ADCY9: variants seen among roughly 807,000 people sequenced by gnomAD.
ADCY9 encodes adenylate cyclase type 9.
Under a neutral mutation model 101.5 loss-of-function variants are expected in ADCY9, and 50 were observed. The observed-to-expected ratio is 0.49, with a 90% CI of 0.39 to 0.62. The LOEUF (loss-of-function observed/expected upper bound fraction) is 0.62, where lower values mean the gene tolerates loss of function less well. Among genes scored for constraint, ADCY9 ranks in the 20% least tolerant of loss-of-function variants. The probability of loss-of-function intolerance (pLI) is 0.00; values close to 1 mark genes in which losing one functional copy is unlikely to be tolerated. For missense variants in ADCY9, 1,662 were observed against 1,800.4 expected, an observed-to-expected ratio of 0.92 and a Z score of 1.39; for synonymous variants, 905 against 769.3, an observed-to-expected ratio of 1.18 and a Z score of -2.92.
chr16:4,060,069 G>T (rs2056765115), intron 2 of ADCY9, among the ~76,000 whole-genome samples: 3 of 152,160 alleles, frequency 2.0e-5, no homozygotes, highest in Admixed American at 2.0e-4. Context: ...ACTGCTGGAG[G>T]GGTTGACTTG....
At chr16:4,087,761 T>C (rs1434284612) in intron 2 of ADCY9, among the ~76,000 whole-genome samples, 1 of 151,876 alleles carries the variant, frequency 6.6e-6, no homozygotes, top group East Asian at 1.9e-4. Flanking sequence ...ATCCTGTTAC[T>C]ATTTGCTCGG....
chr16:3,953,983 A>T (rs1316788786), intron 5 of ADCY9, among the ~76,000 whole-genome samples: 1 of 152,206 alleles, frequency 6.6e-6, no homozygotes, highest in Admixed American at 6.5e-5. Context: ...TAACTGGATC[A>T]TCTCACGGAT....
intron 3 of ADCY9, among the ~76,000 whole-genome samples, chr16:3,995,111 A>T (rs1450844786): frequency 1.3e-5 from 2 of 152,202 alleles, no homozygotes; most frequent in African/African-American, 2.4e-5. Flanking sequence ...CCTCATCTAT[A>T]AACAAAGAGT....
Position 4,025,726 on chromosome 16 carries a change from G to C in ADCY9, c.1694-18168C>G, listed in dbSNP as rs541811101. Among the ~76,000 whole-genome samples, 12 of 152,324 alleles carry C rather than the reference G, an allele frequency of 7.9e-5. No homozygotes were observed. In the South Asian group the frequency reaches 1.9e-3, roughly 24 times the overall value. Reference sequence around the variant, plus strand: ...AGAGAAGGCAGAACCCGCAGCTCCAGAAGGTTTGGGGCATGACCAGCAGAG... The same window carrying C: ...AGAGAAGGCAGAACCCGCAGCTCCACAAGGTTTGGGGCATGACCAGCAGAG... On this transcript the variant is annotated intron_variant, in intron 2 of 10. Coordinates refer to ENST00000294016, the MANE Select transcript of ADCY9 (RefSeq NM_001116.4).
At chr16:4,101,023 T>C (rs1210634749) in intron 2 of ADCY9, among the ~76,000 whole-genome samples, 2 of 152,230 alleles carry the variant, frequency 1.3e-5, no homozygotes, top group African/African-American at 2.4e-5. Context: ...ACAGGTATTA[T>C]GTGCCAAGAA....
rs189441642 is a variant in ADCY9, at chr16:3,980,716, T to C, written c.2520-1441A>G. 2.0e-5 allele frequency among the ~76,000 whole-genome samples: 3 copies of C among 152,260 alleles called. No homozygotes were observed. In the East Asian group the frequency reaches 5.8e-4, roughly 29 times the overall value. ...CCTGGACAGCCCTGGCTTCCTGATA[T>C]TTAAAGGATAATGAAGACTTTGGAA... On this transcript the variant is annotated intron_variant, in intron 7 of 10. Transcript: ENST00000294016.
chr16:4,043,821 C>T (rs1187771926), intron 2 of ADCY9, among the ~76,000 whole-genome samples: 1 of 152,104 alleles, frequency 6.6e-6, no homozygotes, highest in Non-Finnish European at 1.5e-5. Context: ...TTTGGTAAAA[C>T]AGTCTGCCAA....
chr16:4,000,298 A>T (rs2056320611), intron 3 of ADCY9, among the ~76,000 whole-genome samples: 2 of 152,216 alleles, frequency 1.3e-5, no homozygotes, highest in African/African-American at 4.8e-5. Flanking sequence ...ACTGGCCCAG[A>T]GCCACACGGT....
intron 2 of ADCY9, among the ~76,000 whole-genome samples, chr16:4,089,700 G>A (rs1217650874): frequency 1.3e-5 from 2 of 152,006 alleles, no homozygotes; most frequent in South Asian, 2.1e-4. Context: ...CAGCCGTAAA[G>A]GGGAAAGTCT....
intron 2 of ADCY9, among the ~76,000 whole-genome samples, chr16:4,026,916 G>A (rs1175069468): frequency 6.6e-6 from 1 of 152,188 alleles, no homozygotes; most frequent in Non-Finnish European, 1.5e-5. Flanking sequence ...GTAACAAAAG[G>A]ATCAGAGGCT....
chr16:4,070,465 G>A (rs1271495897), intron 2 of ADCY9, among the ~76,000 whole-genome samples: 1 of 152,034 alleles, frequency 6.6e-6, no homozygotes, highest in Non-Finnish European at 1.5e-5. Flanking sequence ...CAAAACTTTT[G>A]AAAAATAACC....
chr16:4,111,376 C>A (rs1365260208), intron 2 of ADCY9, among the ~76,000 whole-genome samples: 1 of 152,078 alleles, frequency 6.6e-6, no homozygotes, highest in African/African-American at 2.4e-5. Context: ...CTTCTCTTCC[C>A]GGGTTCAAAC....
At chr16:3,986,236 G>C (rs762976614) in intron 6 of ADCY9, among the ~76,000 whole-genome samples, 3 of 152,176 alleles carry the variant, frequency 2.0e-5, no homozygotes, top group East Asian at 1.9e-4. Context: ...TGGGATGCTC[G>C]GCTAAGAACG....
chr16:4,068,832 C>T (rs773631617), intron 2 of ADCY9, among the ~76,000 whole-genome samples: 200 of 143,662 alleles, frequency 1.4e-3, no homozygotes, highest in Admixed American at 2.7e-3. Context: ...AAAAAAAAAA[C>T]AATTCACGGT....
intron 2 of ADCY9, among the ~76,000 whole-genome samples, chr16:4,057,544 C>G (rs1036458600): frequency 1.3e-5 from 2 of 152,180 alleles, no homozygotes; most frequent in African/African-American, 4.8e-5. Flanking sequence ...CCTCTCTTTT[C>G]ACGCACTATC....
At chr16:3,957,872 C>T (rs1461825156), downstream of ADCY9, among the ~76,000 whole-genome samples, 4 of 152,176 alleles carry the variant, frequency 2.6e-5, no homozygotes, top group Non-Finnish European at 4.4e-5. Flanking sequence ...TTTGCGTTAT[C>T]CCAGGATCAC....
rs774352938 is a variant in ADCY9 at position 3,989,105 on chromosome 16, C to G, written c.2208-9G>C. 3 of 1,596,598 alleles carry G rather than the reference C, an allele frequency of 1.9e-6. No homozygotes were observed. In the East Asian group the frequency reaches 6.7e-5, roughly 36 times the overall value. ...AGTAATCTTTCATCAGGCTAGAAGA[C>G]ACAACAAATGCAGTCGATCAATACC... On this transcript the variant is annotated splice_polypyrimidine_tract_variant and intron_variant, in intron 5 of 10. Transcript: ENST00000294016.
rs1424782018 is a variant in ADCY9, at chr16:3,978,997, G to A, written c.2679+119C>T. On this transcript the variant is annotated intron_variant, in intron 8 of 10. Transcript: ENST00000294016. ...CCCACAGTGCTGGGATTACAGGCGTGAGCCACCATGCCTGGCCAAAGGGTT... is the reference window on the plus strand; with the variant it reads ...CCCACAGTGCTGGGATTACAGGCGTAAGCCACCATGCCTGGCCAAAGGGTT... The A allele has an allele frequency of 2.3e-6, 3 of 1,331,656 alleles. No homozygotes were observed. In the Admixed American group the frequency reaches 5.8e-5, roughly 26 times the overall value. The allele number at this position is 1,331,656 out of a possible 1,614,324, so 82.5% of individuals were successfully genotyped here.
At chr16:4,100,715 C>T (rs560972375) in intron 2 of ADCY9, among the ~76,000 whole-genome samples, 27 of 145,970 alleles carry the variant, frequency 1.8e-4, no homozygotes, top group Non-Finnish European at 1.9e-4. Context: ...TGCACTCCAA[C>T]CTGGGCAAAG....
Sources: allele counts gnomAD v4.1 joint callset (sites outside exome capture counted in the v4.1 genomes callset), GRCh38; gene constraint gnomAD v4.1.1; transcripts MANE v1.5; gene names NCBI Gene and HGNC (gene_info 2026-07-23, HGNC 2026-07-21).